MRTFB: variants seen among roughly 807,000 people sequenced by gnomAD.
MRTFB encodes myocardin related transcription factor B, also known as myocardin-related transcription factor B.
In MRTFB, 29 loss-of-function variants were observed where a neutral mutation model predicts 104.2. The ratio of observed to expected loss-of-function variants is 0.28; its 90% CI spans 0.21 to 0.38. The LOEUF (loss-of-function observed/expected upper bound fraction) is 0.38, where lower values mean the gene tolerates loss of function less well. Among genes scored for constraint, MRTFB ranks in the 10% least tolerant of loss-of-function variants. The probability of loss-of-function intolerance (pLI) is 1.00; values close to 1 mark genes in which losing one functional copy is unlikely to be tolerated. For missense variants in MRTFB, 1,270 were observed against 1,341.6 expected, an observed-to-expected ratio of 0.95 and a Z score of 0.83; for synonymous variants, 535 against 519.5, an observed-to-expected ratio of 1.03 and a Z score of -0.41.
chr16:14,196,290 G>A (rs559757523), intron 3 of MRTFB, among the ~76,000 whole-genome samples: 7 of 152,162 alleles, frequency 4.6e-5, no homozygotes, highest in African/African-American at 7.2e-5. Context: ...GCAGATTATC[G>A]TAGGAAACCT....
the MRTFB span, among the ~76,000 whole-genome samples, chr16:14,060,068 G>A: frequency 2.1e-3 from 298 of 141,094 alleles, no homozygotes; most frequent in Non-Finnish European, 3.1e-3. Flanking sequence ...GTGCAGTGGC[G>A]CAATCTCAGC....
the MRTFB span, among the ~76,000 whole-genome samples, chr16:14,040,291 C>T: frequency 6.6e-6 from 1 of 152,114 alleles, no homozygotes; most frequent in African/African-American, 2.4e-5. Flanking sequence ...ACAATAATAA[C>T]TGACCATCCT....
At chr16:14,245,750 T>G in intron 11 of MRTFB, 90 bp downstream of exon 11, 1 of 1,372,068 alleles carries the variant, frequency 7.3e-7, no homozygotes, top group Non-Finnish European at 9.9e-7. Context: ...TTAAGTAGTT[T>G]TCAGTAGACA....
rs776764639 is a variant in MRTFB, at chr16:14,261,433, C to A, written c.3289C>A (p.Pro1097Thr). The change falls in exon 17 of 17, where the codon CCA becomes ACA. Residue 1097 changes from proline to threonine, a missense_variant. Transcript: ENST00000571589. ...DFLDPQDLPL[P>T]WD ...TCTAGACCCACAGGACCTACCGCTG[C>A]CATGGGACTAACGTCACAGATTTCT... 2 of 1,598,276 alleles carry A rather than the reference C, an allele frequency of 1.3e-6. 1 individual carries two copies. Among genetic ancestry groups the A allele is most frequent in the Non-Finnish European group, 1.7e-6 (2 of 1,169,110 alleles).
chr16:14,006,513 A>T, the MRTFB span, among the ~76,000 whole-genome samples: 1 of 112,196 alleles, frequency 8.9e-6, no homozygotes, highest in Non-Finnish European at 1.9e-5. Flanking sequence ...ACTCTGTCTC[A>T]AAAAAAAAAA....
chr16:14,155,725 C>T (rs1350975866), intron 3 of MRTFB, among the ~76,000 whole-genome samples: 1 of 152,130 alleles, frequency 6.6e-6, no homozygotes, highest in Non-Finnish European at 1.5e-5. Flanking sequence ...CCAGGGAGGA[C>T]ATTTCACTCA....
chr16:14,231,437 C>T (rs573058666), intron 8 of MRTFB, among the ~76,000 whole-genome samples: 4 of 150,154 alleles, frequency 2.7e-5, no homozygotes, highest in African/African-American at 9.9e-5. Context: ...GTGTTATATT[C>T]GTAAATTGTG....
chr16:14,155,755 G>A (rs1285314785), intron 3 of MRTFB, among the ~76,000 whole-genome samples: 3 of 152,112 alleles, frequency 2.0e-5, no homozygotes, highest in Admixed American at 6.6e-5. Flanking sequence ...CAGTTCGAAC[G>A]TTTCCCGACC....
At chr16:14,168,217 A>ATG (rs61205256) in intron 3 of MRTFB, among the ~76,000 whole-genome samples, 11,585 of 148,016 alleles carry the variant, frequency 0.078, 754 homozygotes, top group East Asian at 0.24. Context: ...TAAAGATAAA[A>ATG]TGTGTGTGTG....
intron 3 of MRTFB, among the ~76,000 whole-genome samples, chr16:14,161,127 G>A (rs1271215143): frequency 2.4e-5 from 3 of 126,550 alleles, no homozygotes; most frequent in Middle Eastern, 4.7e-3. Context: ...CGTGAGTTCA[G>A]GCCATGATTT....
At chr16:14,091,994 CAAAAAAA>C (rs10523985) in intron 2 of MRTFB, among the ~76,000 whole-genome samples, 1 of 82,072 alleles carries the variant, frequency 1.2e-5, no homozygotes, top group Non-Finnish European at 2.8e-5. Context: ...GACTTCATCT[CAAAAAAA>C]AAAAAAAAAA....
At chr16:14,064,440 T>C in the MRTFB span, among the ~76,000 whole-genome samples, 1 of 152,382 alleles carries the variant, frequency 6.6e-6, no homozygotes, top group East Asian at 1.9e-4. Context: ...CTGTTGATAG[T>C]TTCTTATGCT....
At chr16:14,139,892 G>A (rs2037908623) in intron 2 of MRTFB, among the ~76,000 whole-genome samples, 1 of 152,196 alleles carries the variant, frequency 6.6e-6, no homozygotes, top group South Asian at 2.1e-4. Flanking sequence ...CGACTTTGTA[G>A]TCCTTAAGCC....
intron 2 of MRTFB, among the ~76,000 whole-genome samples, chr16:14,125,212 G>C (rs1335288776): frequency 1.3e-5 from 2 of 152,202 alleles, no homozygotes; most frequent in African/African-American, 2.4e-5. Context: ...GCCCACTGTT[G>C]TCTCTCTCAG....
At chr16:14,022,078 C>G in the MRTFB span, among the ~76,000 whole-genome samples, 1 of 151,504 alleles carries the variant, frequency 6.6e-6, no homozygotes. Flanking sequence ...TTGGGCCCAC[C>G]AAAAAAAATC....
At chr16:14,108,306 T>A (rs4781571) in intron 2 of MRTFB, among the ~76,000 whole-genome samples, 278 of 152,248 alleles carry the variant, frequency 1.8e-3, no homozygotes, top group African/African-American at 6.1e-3. Context: ...CTCTACCACA[T>A]GTGAATCTTG....
At chr16:14,147,878 G>A (rs570972575) in intron 3 of MRTFB, among the ~76,000 whole-genome samples, 8 of 152,264 alleles carry the variant, frequency 5.3e-5, no homozygotes, top group South Asian at 4.1e-4. Flanking sequence ...GATTTAAAAC[G>A]TAATAGTAAT....
chr16:14,017,647 A>G, the MRTFB span, among the ~76,000 whole-genome samples: 25,079 of 58,742 alleles, frequency 0.43, 7,053 homozygotes, highest in South Asian at 0.58. Flanking sequence ...ATATGTATAT[A>G]TGTGTGTGTG....
chr16:14,161,373 G>A (rs2039031796), intron 3 of MRTFB, among the ~76,000 whole-genome samples: 1 of 152,056 alleles, frequency 6.6e-6, no homozygotes, highest in Admixed American at 6.5e-5. Flanking sequence ...TTGTGCAATG[G>A]AGAAAGCATG....
Sources: gnomAD v4.1 joint callset for allele counts (sites outside exome capture counted in the v4.1 genomes callset) on GRCh38, gnomAD v4.1.1 for gene constraint, MANE v1.5 for transcripts, NCBI Gene and HGNC (gene_info 2026-07-23, HGNC 2026-07-21) for gene names.